Variants in MACROD2 observed in about 807,000 individuals in gnomAD.
The protein encoded by MACROD2 is mono-ADP ribosylhydrolase 2.
A neutral mutation model predicts 70.4 loss-of-function variants in MACROD2; 36 were observed. The observed-to-expected ratio is 0.51, with a 90% CI of 0.39 to 0.68. The LOEUF (loss-of-function observed/expected upper bound fraction) is 0.68, where lower values mean the gene tolerates loss of function less well. Among genes scored for constraint, MACROD2 ranks in the 30% least tolerant of loss-of-function variants. The pLI, the probability that MACROD2 is intolerant of heterozygous loss-of-function variation, is 0.00. For missense variants in MACROD2, 496 were observed against 538.4 expected, an observed-to-expected ratio of 0.92 and a Z score of 0.78; for synonymous variants, 172 against 178.8, an observed-to-expected ratio of 0.96 and a Z score of 0.30.
intron 4 of MACROD2, among the ~76,000 whole-genome samples, chr20:14,653,056 G>T (rs753749098): frequency 6.6e-6 from 1 of 152,128 alleles, no homozygotes; most frequent in Non-Finnish European, 1.5e-5. Flanking sequence ...CTTAGCTCAT[G>T]AAATGAGGGC....
chr20:14,684,781 CT>C, intron 4 of MACROD2, 61 bp from the exon 5 acceptor site: 3 of 1,357,918 alleles, frequency 2.2e-6, no homozygotes, highest in Non-Finnish European at 3.1e-6. Context: ...CTCTTCCCAT[CT>C]TGAGCTTTAT....
intron 5 of MACROD2, among the ~76,000 whole-genome samples, chr20:15,092,849 G>A (rs559144709): frequency 1.8e-4 from 28 of 152,174 alleles, no homozygotes; most frequent in Non-Finnish European, 3.7e-4. Flanking sequence ...CTTTAAATGA[G>A]CACAGCATTA....
chr20:14,871,339 A>G lies in MACROD2; in HGVS notation c.418+186380A>G, dbSNP rs997485345. Among the ~76,000 whole-genome samples, 3 of 152,162 alleles carry G rather than the reference A, an allele frequency of 2.0e-5. No individual in the cohort carries two copies. In the South Asian group the frequency reaches 6.2e-4, roughly 32 times the overall value. On this transcript the variant is annotated intron_variant, in intron 5 of 17. Transcript: ENST00000684519. ...ACCGCTCGGCTGAAACTCAGCATAC[A>G]AGCCAGAAGAGATTGAGGGCCAATA...
chr20:15,936,669 G>GTATATATA (rs1568653268), intron 11 of MACROD2, among the ~76,000 whole-genome samples: 1 of 33,144 alleles, frequency 3.0e-5, no homozygotes, highest in African/African-American at 7.3e-5. Context: ...GTGTATATGT[G>GTATATATA]TGTATATATA....
intron 5 of MACROD2, among the ~76,000 whole-genome samples, chr20:15,137,051 A>G (rs951003723): frequency 6.7e-6 from 1 of 149,662 alleles, no homozygotes; most frequent in Non-Finnish European, 1.5e-5. Context: ...TTAAAAAGTC[A>G]GGAAACAACA....
chr20:14,670,379 A>T (rs1239232880), intron 4 of MACROD2, among the ~76,000 whole-genome samples: 1 of 152,164 alleles, frequency 6.6e-6, no homozygotes, highest in Admixed American at 6.6e-5. Context: ...TTAAGGTCCC[A>T]TGGCTACCAG....
intron 5 of MACROD2, among the ~76,000 whole-genome samples, chr20:15,223,801 A>G (rs1180017219): frequency 6.6e-6 from 1 of 152,164 alleles, no homozygotes; most frequent in Non-Finnish European, 1.5e-5. Context: ...TGCTCTTCCC[A>G]TCAAGAGGTG....
chr20:14,475,764 T>C (rs1392259300), intron 3 of MACROD2, among the ~76,000 whole-genome samples: 4 of 152,138 alleles, frequency 2.6e-5, no homozygotes, highest in African/African-American at 7.2e-5. Context: ...CTGCCAGATG[T>C]ATTGGAATTC....
intron 8 of MACROD2, among the ~76,000 whole-genome samples, chr20:15,841,877 TAAAC>T (rs2064174312): frequency 6.6e-6 from 1 of 152,100 alleles, no homozygotes; most frequent in Non-Finnish European, 1.5e-5. Context: ...TGCAAAAAAT[TAAAC>T]AAGAGGGTTC....
chr20:15,725,435 T>G (rs570679220), intron 8 of MACROD2, among the ~76,000 whole-genome samples: 2 of 152,350 alleles, frequency 1.3e-5, no homozygotes, highest in Non-Finnish European at 2.9e-5. Context: ...TAACCTTGTC[T>G]CCTACAAATT....
chr20:14,971,438 G>T (rs894835923), intron 5 of MACROD2, among the ~76,000 whole-genome samples: 1 of 148,144 alleles, frequency 6.8e-6, no homozygotes, highest in African/African-American at 2.5e-5. Context: ...TTTGACATTA[G>T]TAGGTAAAGG....
intron 5 of MACROD2, among the ~76,000 whole-genome samples, chr20:14,918,506 G>C (rs1432220921): frequency 6.6e-6 from 1 of 152,138 alleles, no homozygotes. Flanking sequence ...TTTGCATGTA[G>C]GTCAGCTGGC....
intron 5 of MACROD2, chr20:14,758,006 T>C (rs898373457): frequency 5.2e-6 from 4 of 767,912 alleles, no homozygotes; most frequent in African/African-American, 1.7e-5. Context: ...AGCAACTGAA[T>C]TCCAGTTTAG....
At chr20:16,041,079 A>G (rs924125141) in intron 15 of MACROD2, 122 bp from the exon 16 acceptor site, 2 of 802,412 alleles carry the variant, frequency 2.5e-6, no homozygotes, top group African/African-American at 3.6e-5. Context: ...TTTCTGCAAA[A>G]GAAGTTGAAT....
intron 4 of MACROD2, among the ~76,000 whole-genome samples, chr20:14,506,138 A>G (rs2084967250): frequency 6.6e-6 from 1 of 152,158 alleles, no homozygotes; most frequent in Non-Finnish European, 1.5e-5. Flanking sequence ...GTTGTCAGTG[A>G]AAGTGATGAT....
intron 2 of MACROD2, among the ~76,000 whole-genome samples, chr20:14,019,370 C>G (rs189333723): frequency 1.6e-4 from 25 of 152,254 alleles, no homozygotes; most frequent in Non-Finnish European, 2.5e-4. Context: ...CTCCTGGGTT[C>G]AAGCGTTTCT....
At chr20:16,017,540 T>C (rs1390349637) in intron 15 of MACROD2, among the ~76,000 whole-genome samples, 1 of 152,206 alleles carries the variant, frequency 6.6e-6, no homozygotes, top group Non-Finnish European at 1.5e-5. Flanking sequence ...TAGAATGAAA[T>C]TCAAATTCCT....
chr20:14,127,563 G>T, intron 3 of MACROD2: 1 of 473,854 alleles, frequency 2.1e-6, no homozygotes, highest in Non-Finnish European at 3.9e-6. Flanking sequence ...TTTGAGGGAA[G>T]AGAAGAAACT....
At chr20:14,828,847 T>G (rs1464169587) in intron 5 of MACROD2, among the ~76,000 whole-genome samples, 1 of 152,130 alleles carries the variant, frequency 6.6e-6, no homozygotes, top group Non-Finnish European at 1.5e-5. Flanking sequence ...AATTTTATTC[T>G]GTTTTATTGT....
Sources: gnomAD v4.1 joint callset for allele counts (sites outside exome capture counted in the v4.1 genomes callset) on GRCh38, gnomAD v4.1.1 for gene constraint, MANE v1.5 for transcripts, NCBI Gene and HGNC (gene_info 2026-07-23, HGNC 2026-07-21) for gene names.